The following TIMP2 variants were observed in gnomAD, a reference collection of about 807,000 sequenced individuals.
TIMP2 encodes metalloproteinase inhibitor 2.
A neutral mutation model predicts 24.3 loss-of-function variants in TIMP2; 5 were observed. The ratio of observed to expected loss-of-function variants is 0.21; its 90% CI spans 0.11 to 0.43. The LOEUF is 0.43. TIMP2 is among the 20% of genes least tolerant of loss of function. TIMP2 has a pLI of 1.00. For missense variants in TIMP2, 221 were observed against 297.5 expected (o/e 0.74, Z 1.89); for synonymous variants, 130 against 123.2 (o/e 1.06, Z -0.37).
At chr17:78,864,632 G>A (rs1456093637) in intron 3 of TIMP2, among the ~76,000 whole-genome samples, 1 of 152,114 alleles carries the variant, frequency 6.6e-6, no homozygotes, top group African/African-American at 2.4e-5. Flanking sequence ...TCCTCCTTGA[G>A]ATACTAAGTA....
chr17:78,862,121 G>A (rs909293163), intron 3 of TIMP2, among the ~76,000 whole-genome samples: 1 of 152,190 alleles, frequency 6.6e-6, no homozygotes, highest in African/African-American at 2.4e-5. Context: ...GAATGTAGAA[G>A]AAAATTACAG....
intron 1 of TIMP2, among the ~76,000 whole-genome samples, chr17:78,893,196 C>T (rs1359310455): frequency 3.5e-5 from 3 of 86,476 alleles, no homozygotes; most frequent in Admixed American, 1.2e-4. Flanking sequence ...GGGGTGTGTG[C>T]AAGGATGTGT....
chr17:78,867,872 T>C (rs1341814661), intron 3 of TIMP2, among the ~76,000 whole-genome samples: 2 of 152,192 alleles, frequency 1.3e-5, no homozygotes, highest in Non-Finnish European at 2.9e-5. Flanking sequence ...GTGCTAGGAT[T>C]ACAGGCGTGA....
chr17:78,917,985 C>T (rs774135849), intron 1 of TIMP2, among the ~76,000 whole-genome samples: 34 of 152,074 alleles, frequency 2.2e-4, no homozygotes, highest in Non-Finnish European at 4.7e-4. Context: ...AGTGACTTGA[C>T]GTTTGGAGGG....
chr17:78,857,841 G>A (rs922197910), intron 3 of TIMP2, among the ~76,000 whole-genome samples, 195 bp from the exon 4 acceptor site: 19 of 151,002 alleles, frequency 1.3e-4, no homozygotes, highest in African/African-American at 2.4e-4. Flanking sequence ...AGGCTGAGGC[G>A]GGTGGATCTC....
intron 1 of TIMP2, among the ~76,000 whole-genome samples, chr17:78,910,435 C>T (rs932817388): frequency 3.9e-5 from 6 of 152,202 alleles, no homozygotes; most frequent in East Asian, 1.9e-4. Context: ...TCAGGTGATC[C>T]GCCCACCTTG....
chr17:78,873,185 C>A (rs962193791), intron 2 of TIMP2, among the ~76,000 whole-genome samples: 17 of 152,148 alleles, frequency 1.1e-4, no homozygotes, highest in African/African-American at 3.6e-4. Flanking sequence ...GGCTGTCCCT[C>A]CACCTGCGAC....
intron 1 of TIMP2, chr17:78,904,311 G>C (rs1302419390): frequency 6.6e-6 from 1 of 152,082 alleles, no homozygotes; most frequent in Admixed American, 6.5e-5. Context: ...CCACAAATTT[G>C]ACAACTGAGA....
intron 1 of TIMP2, among the ~76,000 whole-genome samples, chr17:78,911,342 A>C (rs1026341161): frequency 1.3e-5 from 2 of 152,170 alleles, no homozygotes; most frequent in African/African-American, 4.8e-5. Context: ...GGTTTCTCAG[A>C]AGCACTGTCC....
At chr17:78,875,119 C>T (rs1483136002) in intron 1 of TIMP2, among the ~76,000 whole-genome samples, 2 of 152,174 alleles carry the variant, frequency 1.3e-5, no homozygotes, top group Non-Finnish European at 2.9e-5. Flanking sequence ...TTCAAATGAT[C>T]CACCTGCTTC....
At chr17:78,883,043 G>A (rs1191833501) in intron 1 of TIMP2, among the ~76,000 whole-genome samples, 1 of 152,196 alleles carries the variant, frequency 6.6e-6, no homozygotes, top group Non-Finnish European at 1.5e-5. Context: ...CCGTGACTTG[G>A]TAATTAAAAA....
At chr17:78,908,940 G>A (rs1172827597) in intron 1 of TIMP2, among the ~76,000 whole-genome samples, 1 of 152,162 alleles carries the variant, frequency 6.6e-6, no homozygotes, top group Non-Finnish European at 1.5e-5. Flanking sequence ...CTTGGCTTCT[G>A]GGGTCAGCTC....
chr17:78,896,914 G>A lies in TIMP2; in HGVS notation c.131-22995C>T. 2 of 985,250 alleles carry A rather than the reference G, an allele frequency of 2.0e-6. No individual in the cohort carries two copies. The highest frequency in any genetic ancestry group is 2.4e-6 in the Non-Finnish European group (2 of 829,830). The allele number at this position is 985,250 out of a possible 1,614,324, so 61.0% of individuals were successfully genotyped here. ...GCACCTGGGCCCAGGAATGTGCTTG[G>A]CCACCAGATTCCCAGCGATTCTCAC... On this transcript the variant is annotated intron_variant, in intron 1 of 4. Transcript: ENST00000262768. The surrounding 1 kb of genome is among the most constrained non-coding windows in gnomAD (Gnocchi z 4.4).
At chr17:78,873,782 C>CCACA in intron 2 of TIMP2, 37 bp downstream of exon 2, 2 of 1,574,568 alleles carry the variant, frequency 1.3e-6, no homozygotes, top group Non-Finnish European at 1.7e-6. Flanking sequence ...ACAGCTGTGC[C>CCACA]CACAGTGCAG....
At position 78,887,674 on chromosome 17, in the gene TIMP2, C is replaced by T. The variant is rs115296314; in HGVS notation, c.131-13755G>A. On this transcript the variant is annotated intron_variant, in intron 1 of 4. Coordinates refer to ENST00000262768, the MANE Select transcript of TIMP2 (RefSeq NM_003255.5). ...TGCTGGGATTACAGGTATGAGCAAA[C>T]GCGCCCAGCCTCATATTTGTAAATT... 9.6e-3 allele frequency among the ~76,000 whole-genome samples: 1,446 copies of T among 150,532 alleles called. 22 individuals are homozygous for T. Among genetic ancestry groups the T allele is most frequent in the African/African-American group, 0.033 (1,351 of 40,812 alleles).
intron 1 of TIMP2, among the ~76,000 whole-genome samples, chr17:78,884,092 T>C (rs2145762595): frequency 6.6e-6 from 1 of 152,268 alleles, no homozygotes; most frequent in South Asian, 2.1e-4. Context: ...CTGCAAACCC[T>C]AAGCCAGAGC....
chr17:78,919,253 C>T (rs1325271131), intron 1 of TIMP2, among the ~76,000 whole-genome samples: 2 of 152,238 alleles, frequency 1.3e-5, no homozygotes, highest in African/African-American at 2.4e-5. Context: ...TTGGTGGCTG[C>T]GTGGGTCCCG....
intron 1 of TIMP2, among the ~76,000 whole-genome samples, chr17:78,922,649 C>T (rs975272804): frequency 5.3e-5 from 8 of 152,120 alleles, no homozygotes; most frequent in Admixed American, 2.0e-4. Flanking sequence ...GAATTCCTGT[C>T]TCTACTAAAA....
At position 78,896,127 on chromosome 17, in the gene TIMP2, C is replaced by G. The variant is rs892251252; in HGVS notation, c.131-22208G>C. Among the ~76,000 whole-genome samples the G allele has an allele frequency of 1.3e-5, 2 of 152,264 alleles. No individual in the cohort carries two copies. Among genetic ancestry groups the G allele is most frequent in the African/African-American group, 4.8e-5 (2 of 41,474 alleles). On this transcript the variant is annotated intron_variant, in intron 1 of 4. Transcript: ENST00000262768. This position sits in a 1 kb window ranked among gnomAD's most constrained non-coding sequence, Gnocchi z 4.4. ...CTTCAGGAATCGATCCCCGCTCTGA[C>G]ACCATCAGATGCAACCTCGTCCCCG...
Sources: gnomAD v4.1 joint callset for allele counts (sites outside exome capture counted in the v4.1 genomes callset) on GRCh38, gnomAD v4.1.1 for gene constraint, Gnocchi (gnomAD v3.1) non-coding constraint, MANE v1.5 for transcripts, NCBI Gene and HGNC (gene_info 2026-07-23, HGNC 2026-07-21) for gene names.